The following NHEJ1 variants were observed in gnomAD, a reference collection of about 807,000 sequenced individuals.
NHEJ1 encodes the protein non-homologous end joining factor 1.
A neutral mutation model predicts 39.4 loss-of-function variants in NHEJ1; 22 were observed. The ratio of observed to expected loss-of-function variants is 0.56; its 90% CI spans 0.40 to 0.80. The LOEUF (loss-of-function observed/expected upper bound fraction) is 0.80, where lower values mean the gene tolerates loss of function less well. Among genes scored for constraint, NHEJ1 ranks in the 30% least tolerant of loss-of-function variants. The probability of loss-of-function intolerance (pLI) is 0.00; values close to 1 mark genes in which losing one functional copy is unlikely to be tolerated. For synonymous variants in NHEJ1, 154 were observed against 135.6 expected, an observed-to-expected ratio of 1.14 and a Z score of -0.94; for missense variants, 329 against 357.1, an observed-to-expected ratio of 0.92 and a Z score of 0.63.
intron 1 of NHEJ1, among the ~76,000 whole-genome samples, chr2:219,159,513 T>TTATA (rs34180222): frequency 0.43 from 38,576 of 89,944 alleles, 10,938 homozygotes; most frequent in South Asian, 0.55. Context: ...TGACATAACT[T>TTATA]TATATATATA....
chr2:219,150,773 C>T (rs377543150), intron 3 of NHEJ1, among the ~76,000 whole-genome samples: 8 of 151,988 alleles, frequency 5.3e-5, no homozygotes, highest in Admixed American at 2.0e-4. Context: ...CTGGCCAACA[C>T]GGTGAAACCC....
chr2:219,108,665 A>T (rs72951751), intron 5 of NHEJ1, among the ~76,000 whole-genome samples: 4 of 152,298 alleles, frequency 2.6e-5, no homozygotes, highest in African/African-American at 9.6e-5. Flanking sequence ...TAGTTTTATG[A>T]GAGTGCTATA....
chr2:219,153,699 G>GT (rs55636702), intron 3 of NHEJ1, among the ~76,000 whole-genome samples: 1,935 of 129,678 alleles, frequency 0.015, 160 homozygotes, highest in Non-Finnish European at 0.022. Flanking sequence ...AAAAGGGGGG[G>GT]GGGGTGGAGA....
At chr2:219,134,360 T>C (rs1261906521) in intron 5 of NHEJ1, among the ~76,000 whole-genome samples, 3 of 152,242 alleles carry the variant, frequency 2.0e-5, no homozygotes, top group Admixed American at 6.5e-5. Flanking sequence ...ACCTAGCTCA[T>C]AGGTTTGTTG....
chr2:219,150,231 G>A (rs968623638), intron 3 of NHEJ1, among the ~76,000 whole-genome samples: 5 of 152,218 alleles, frequency 3.3e-5, no homozygotes, highest in African/African-American at 4.8e-5. Flanking sequence ...GACTGGATGT[G>A]GGGAGGTGGG....
chr2:219,078,225 A>G lies in NHEJ1; in HGVS notation c.589-19T>C. 6.3e-7 allele frequency: 1 copy of G among 1,590,934 alleles called. No homozygotes were observed. The highest frequency in any genetic ancestry group is 1.1e-5 in the South Asian group (1 of 90,670). On this transcript the variant is annotated intron_variant, in intron 5 of 7. Transcript: ENST00000356853. Reference sequence around the variant, plus strand: ...GCAGTTTCTGTAAGAGAGAGGAGATACTGTCATTGGTTACACTGTATTGCT... The same window carrying G: ...GCAGTTTCTGTAAGAGAGAGGAGATGCTGTCATTGGTTACACTGTATTGCT...
intron 3 of NHEJ1, among the ~76,000 whole-genome samples, chr2:219,148,752 C>A (rs1004871372): frequency 6.6e-6 from 1 of 152,124 alleles, no homozygotes; most frequent in Admixed American, 6.5e-5. Flanking sequence ...TCATGATAGC[C>A]CAGAAGGACC....
intron 2 of NHEJ1, among the ~76,000 whole-genome samples, 195 bp downstream of exon 2, chr2:219,157,991 T>TCTCTCACA (rs1179798749): frequency 6.0e-5 from 6 of 99,176 alleles, no homozygotes; most frequent in Non-Finnish European, 1.4e-4. Context: ...TCTCTCTCTC[T>TCTCTCACA]CACACACACA....
At chr2:219,105,657 C>A (rs1949306767) in intron 5 of NHEJ1, among the ~76,000 whole-genome samples, 1 of 152,162 alleles carries the variant, frequency 6.6e-6, no homozygotes, top group East Asian at 1.9e-4. Context: ...TCTGTTCATT[C>A]TGTCTAATAC....
chr2:219,086,371 C>A (rs1032885483), intron 5 of NHEJ1, among the ~76,000 whole-genome samples: 6 of 152,210 alleles, frequency 3.9e-5, no homozygotes, highest in African/African-American at 1.4e-4. Context: ...AATCTCTACA[C>A]TATAATGCCT....
At chr2:219,119,329 T>C (rs775695603) in intron 5 of NHEJ1, among the ~76,000 whole-genome samples, 38 of 152,188 alleles carry the variant, frequency 2.5e-4, no homozygotes, top group Non-Finnish European at 4.7e-4. Context: ...TCTGGTGGAA[T>C]TGGCCCTAAA....
chr2:219,109,465 G>A (rs1183237555), intron 5 of NHEJ1, among the ~76,000 whole-genome samples: 2 of 152,200 alleles, frequency 1.3e-5, no homozygotes, highest in South Asian at 2.1e-4. Context: ...GGGCACCAAC[G>A]TGAAGGATCA....
Position 219,158,325 on chromosome 2 carries a change from C to T in NHEJ1, c.38G>A (p.Trp13Ter). The T allele has an allele frequency of 6.2e-7, 1 of 1,614,206 alleles. No homozygotes were observed. Among genetic ancestry groups the T allele is most frequent in the Non-Finnish European group, 8.5e-7 (1 of 1,180,054 alleles). ...GTTCTCTGCAAGCTGTAGCCACGCC[C>T]ATGGCTGCATCAACAGGCCTTGCTC... ...ELEQGLLMQP[W>*]AWLQLAENSL... is the part of the protein sequence containing the mutation. The change falls in exon 2 of 8, where the codon TGG becomes TAG. Residue 13 changes from tryptophan (W) to a stop codon, truncating the protein, a stop_gained. Transcript: ENST00000356853. LOFTEE classifies it high-confidence loss of function.
chr2:219,076,847 G>A (rs1949018634), intron 7 of NHEJ1, among the ~76,000 whole-genome samples: 1 of 152,132 alleles, frequency 6.6e-6, no homozygotes, highest in African/African-American at 2.4e-5. Context: ...GCTACAAAGA[G>A]GAGGCATTCA....
intron 5 of NHEJ1, among the ~76,000 whole-genome samples, chr2:219,079,271 T>C (rs982399303): frequency 1.4e-5 from 2 of 147,384 alleles, no homozygotes; most frequent in African/African-American, 2.7e-5. Context: ...CAAATCACCA[T>C]GGTTCCCAGC....
At chr2:219,091,711 C>G (rs1406535831) in intron 5 of NHEJ1, among the ~76,000 whole-genome samples, 2 of 152,086 alleles carry the variant, frequency 1.3e-5, no homozygotes, top group African/African-American at 4.8e-5. Flanking sequence ...GAGGAAACGC[C>G]AAGGGGACAC....
intron 5 of NHEJ1, among the ~76,000 whole-genome samples, chr2:219,118,699 G>A (rs1409968512): frequency 6.6e-6 from 1 of 152,202 alleles, no homozygotes; most frequent in Non-Finnish European, 1.5e-5. Flanking sequence ...GGGCCACAGG[G>A]GATTCAGGCG....
At chr2:219,153,975 TCACA>T (rs1949824494) in intron 3 of NHEJ1, among the ~76,000 whole-genome samples, 1 of 152,252 alleles carries the variant, frequency 6.6e-6, no homozygotes. Flanking sequence ...GGGAATTTAC[TCACA>T]CATTTACATG....
chr2:219,110,756 G>A (rs1949358453), intron 5 of NHEJ1, among the ~76,000 whole-genome samples: 1 of 152,052 alleles, frequency 6.6e-6, no homozygotes, highest in Non-Finnish European at 1.5e-5. Context: ...CTTAGCAGAG[G>A]GAACGGCAAG....
Sources: gnomAD v4.1 joint callset for allele counts (sites outside exome capture counted in the v4.1 genomes callset) on GRCh38, gnomAD v4.1.1 for gene constraint, MANE v1.5 for transcripts, NCBI Gene and HGNC (gene_info 2026-07-23, HGNC 2026-07-21) for gene names.